HACE1: variants seen among roughly 807,000 people sequenced by gnomAD.
HACE1 encodes the protein HECT domain and ankyrin repeat containing E3 ubiquitin protein ligase 1, also known as E3 ubiquitin-protein ligase HACE1.
A neutral mutation model predicts 118.4 loss-of-function variants in HACE1; 73 were observed. The ratio of observed to expected loss-of-function variants is 0.62; its 90% CI spans 0.51 to 0.75. The LOEUF (loss-of-function observed/expected upper bound fraction) is 0.75, where lower values mean the gene tolerates loss of function less well. Ranked by LOEUF, HACE1 falls within the 30% of genes least tolerant of loss-of-function variation. HACE1 has a pLI of 0.00. For synonymous variants in HACE1, 368 were observed against 374.8 expected, an observed-to-expected ratio of 0.98 and a Z score of 0.21; for missense variants, 749 against 1,102.2, an observed-to-expected ratio of 0.68 and a Z score of 4.54.
At chr6:104,736,353 C>T (rs1582572132) in intron 22 of HACE1, among the ~76,000 whole-genome samples, 1 of 152,004 alleles carries the variant, frequency 6.6e-6, no homozygotes, top group Non-Finnish European at 1.5e-5. Context: ...GGTGCAATCT[C>T]GGCTCACTGC....
rs11331345 is a variant in HACE1, at chr6:104,798,069, G to GA, written c.618-1045dup. On this transcript the variant is annotated intron_variant, in intron 7 of 23. Transcript: ENST00000262903. ...GGTAACAAGAGCAAAACCCCGTCTC[G>GA]AAAAAAAAAAAAAAGAAAGAAAGAA... Among the ~76,000 whole-genome samples the GA allele has an allele frequency of 6.5e-3, 837 of 128,190 alleles. 10 individuals are homozygous for GA. Among genetic ancestry groups the GA allele is most frequent in the Non-Finnish European group, 0.012 (692 of 60,060 alleles). The allele number at this position is 128,190 out of a possible 152,430, so 84.1% of individuals were successfully genotyped here.
chr6:104,786,887 CTT>C, intron 11 of HACE1: 1 of 152,230 alleles, frequency 6.6e-6, no homozygotes, highest in South Asian at 2.1e-4. Context: ...AAGAAATAAT[CTT>C]TCTTTTAAAG....
Position 104,758,874 on chromosome 6 carries a change from C to CA in HACE1, c.2212-8403dup, listed in dbSNP as rs892659385. On this transcript the variant is annotated intron_variant, in intron 19 of 23. Coordinates refer to ENST00000262903, the MANE Select transcript of HACE1 (RefSeq NM_020771.4). ...GAAGATCTACCAAGCAAATGGAAAG[C>CA]AAAAAAAAAAAAGCAGGGGTTGCAA... Among the ~76,000 whole-genome samples, 629 of 125,394 alleles carry CA rather than the reference C, an allele frequency of 5.0e-3. 2 individuals are homozygous for CA. Among genetic ancestry groups the CA allele is most frequent in the African/African-American group, 0.013 (459 of 34,010 alleles). The allele number at this position is 125,394 out of a possible 152,430, so 82.3% of individuals were successfully genotyped here. A position where few individuals can be genotyped will look rare whatever the true frequency, so the allele number is the denominator to read the frequency against.
chr6:104,737,153 G>A (rs927177551), intron 22 of HACE1, among the ~76,000 whole-genome samples: 27 of 150,828 alleles, frequency 1.8e-4, no homozygotes, highest in African/African-American at 5.8e-4. Flanking sequence ...TTAGCTGGAC[G>A]TGGTGGCAGG....
intron 14 of HACE1, among the ~76,000 whole-genome samples, chr6:104,783,492 T>A (rs1781971375): frequency 6.6e-6 from 1 of 152,182 alleles, no homozygotes; most frequent in Non-Finnish European, 1.5e-5. Flanking sequence ...TGTCATTATC[T>A]CCATTTTGTA....
intron 22 of HACE1, among the ~76,000 whole-genome samples, chr6:104,742,754 C>CG (rs2114497161): frequency 6.6e-6 from 1 of 151,974 alleles, no homozygotes; most frequent in South Asian, 2.1e-4. Context: ...GTCAGTGTGG[C>CG]GATTCCTCAG....
chr6:104,841,957 T>C (rs1417154960), intron 5 of HACE1, among the ~76,000 whole-genome samples: 1 of 152,198 alleles, frequency 6.6e-6, no homozygotes, highest in Non-Finnish European at 1.5e-5. Flanking sequence ...CAAAAATACA[T>C]AAACTTATTT....
chr6:104,733,254 C>CCACA (rs1464118065), intron 22 of HACE1, among the ~76,000 whole-genome samples: 1 of 152,120 alleles, frequency 6.6e-6, no homozygotes, highest in African/African-American at 2.4e-5. Flanking sequence ...CTAATGTCCT[C>CCACA]CACACAAGTA....
chr6:104,749,054 A>C (rs1777755263), intron 20 of HACE1, among the ~76,000 whole-genome samples: 1 of 152,168 alleles, frequency 6.6e-6, no homozygotes, highest in Non-Finnish European at 1.5e-5. Flanking sequence ...AAGTTTTATA[A>C]ACTTATTGAT....
chr6:104,756,564 C>T (rs992987062), intron 19 of HACE1, among the ~76,000 whole-genome samples: 20 of 151,912 alleles, frequency 1.3e-4, no homozygotes, highest in African/African-American at 3.9e-4. Flanking sequence ...AAATAGTGAT[C>T]GAAGAGTCGT....
At position 104,781,361 on chromosome 6, in the gene HACE1, A is replaced by G. The variant is rs541451914; in HGVS notation, c.1566+2725T>C. 9.9e-5 allele frequency among the ~76,000 whole-genome samples: 15 copies of G among 152,230 alleles called. No individual in the cohort carries two copies. In the East Asian group the frequency reaches 1.9e-3, roughly 20 times the overall value. ...ACACTTCCTTACTTTCTTACACAATAAGATGTTGCAGGCTTATTTTATACT... is the reference window on the plus strand; with the variant it reads ...ACACTTCCTTACTTTCTTACACAATGAGATGTTGCAGGCTTATTTTATACT... On this transcript the variant is annotated intron_variant, in intron 14 of 23. Transcript: ENST00000262903.
At chr6:104,837,416 C>G (rs1343379939) in intron 5 of HACE1, among the ~76,000 whole-genome samples, 2 of 152,102 alleles carry the variant, frequency 1.3e-5, no homozygotes, top group Non-Finnish European at 2.9e-5. Flanking sequence ...ACAAACAGTG[C>G]TAGTACTGGA....
At chr6:104,745,327 A>G (rs568395547) in intron 20 of HACE1, among the ~76,000 whole-genome samples, 1 of 152,328 alleles carries the variant, frequency 6.6e-6, no homozygotes, top group African/African-American at 2.4e-5. Flanking sequence ...AAGGGAAAAG[A>G]GGACATGAAA....
intron 5 of HACE1, among the ~76,000 whole-genome samples, chr6:104,838,890 T>TAAAAAA (rs71003448): frequency 1.9e-4 from 11 of 58,858 alleles, no homozygotes; most frequent in African/African-American, 4.8e-4. Flanking sequence ...AACTCCATAG[T>TAAAAAA]AAAAAAAAAA....
chr6:104,787,012 T>C (rs529127314), intron 11 of HACE1: 15 of 152,354 alleles, frequency 9.8e-5, no homozygotes, highest in African/African-American at 3.4e-4. Context: ...CACTGCCACT[T>C]TCAGCCTTTC....
intron 5 of HACE1, among the ~76,000 whole-genome samples, chr6:104,835,083 G>A (rs558092978): frequency 3.9e-5 from 6 of 152,262 alleles, no homozygotes; most frequent in East Asian, 1.9e-4. Context: ...AACATCTTCC[G>A]GGCAGTTGGA....
chr6:104,837,853 T>C (rs1017349351), intron 5 of HACE1, among the ~76,000 whole-genome samples: 4 of 152,094 alleles, frequency 2.6e-5, no homozygotes, highest in Non-Finnish European at 5.9e-5. Context: ...TTAGAACTGG[T>C]AAATAAGTAC....
chr6:104,855,724 C>A (rs1219261131), intron 1 of HACE1, among the ~76,000 whole-genome samples: 1 of 152,058 alleles, frequency 6.6e-6, no homozygotes, highest in African/African-American at 2.4e-5. Flanking sequence ...TAATACATGT[C>A]CCAATAAAAA....
chr6:104,805,094 ACATGAAAAAATGCT>A (rs1770843098), intron 7 of HACE1, among the ~76,000 whole-genome samples: 1 of 152,218 alleles, frequency 6.6e-6, no homozygotes, highest in Non-Finnish European at 1.5e-5. Context: ...CAACCAACAG[ACATGAAAAAATGCT>A]CATCGTCACT....
Sources: allele counts gnomAD v4.1 joint callset (sites outside exome capture counted in the v4.1 genomes callset), GRCh38; gene constraint gnomAD v4.1.1; transcripts MANE v1.5; gene names NCBI Gene and HGNC (gene_info 2026-07-23, HGNC 2026-07-21).